The following TMEM163 variants were observed in gnomAD, a reference collection of about 807,000 sequenced individuals.
TMEM163 encodes the protein transmembrane protein 163.
A neutral mutation model predicts 29.3 loss-of-function variants in TMEM163; 17 were observed. The ratio of observed to expected loss-of-function variants is 0.58; its 90% CI spans 0.40 to 0.87. The LOEUF (loss-of-function observed/expected upper bound fraction) is 0.87, where lower values mean the gene tolerates loss of function less well. TMEM163 is among the 40% of genes least tolerant of loss of function. The probability of loss-of-function intolerance (pLI) is 0.00; values close to 1 mark genes in which losing one functional copy is unlikely to be tolerated. For missense variants in TMEM163, 303 were observed against 381.5 expected, an observed-to-expected ratio of 0.79 and a Z score of 1.71; for synonymous variants, 157 against 160.6, an observed-to-expected ratio of 0.98 and a Z score of 0.17.
chr2:134,594,830 C>G (rs1682026852), intron 2 of TMEM163, among the ~76,000 whole-genome samples: 1 of 150,432 alleles, frequency 6.6e-6, no homozygotes, highest in African/African-American at 2.5e-5. Flanking sequence ...TAATATGCTA[C>G]ATGGACTCAA....
At chr2:134,543,150 C>T (rs1203347075) in intron 4 of TMEM163, among the ~76,000 whole-genome samples, 4 of 152,188 alleles carry the variant, frequency 2.6e-5, no homozygotes, top group South Asian at 4.1e-4. Context: ...ACACTCCTTC[C>T]TCTAGTGCAT....
intron 2 of TMEM163, among the ~76,000 whole-genome samples, chr2:134,571,685 T>C (rs1056350129): frequency 1.3e-5 from 2 of 152,168 alleles, no homozygotes; most frequent in African/African-American, 2.4e-5. Context: ...GAACAAAGTC[T>C]GGAGGAAACT....
rs1484249360 is a variant in TMEM163, at chr2:134,458,081, C to T, written c.760G>A (p.Gly254Ser). The change falls in exon 7 of 8, where the codon GGC becomes AGC. Residue 254 changes from glycine (G) to serine (S), a missense_variant. By Grantham distance (56) the Gly-to-Ser change is moderately conservative (BLOSUM62 0). Around this residue, in one of 2 missense-constraint regions of TMEM163, gnomAD observed 203 missense variants for 294.3 expected, o/e 0.69. Coordinates refer to ENST00000281924, the MANE Select transcript of TMEM163 (RefSeq NM_030923.5). ...AGGCCGATCAGAACGCCTATGCTGCCGTCCAGGTACCAGACCGCCGAGTCA... is the reference window on the plus strand; with the variant it reads ...AGGCCGATCAGAACGCCTATGCTGCTGTCCAGGTACCAGACCGCCGAGTCA... ...KHDSAVWYLD[G>S]SIGVLIGLTI... The T allele has an allele frequency of 2.5e-5, 41 of 1,614,052 alleles. No homozygotes were observed. Among genetic ancestry groups the T allele is most frequent in the Non-Finnish European group, 3.2e-5 (38 of 1,180,038 alleles).
intron 2 of TMEM163, among the ~76,000 whole-genome samples, chr2:134,610,019 A>G (rs576420572): frequency 6.6e-6 from 1 of 152,296 alleles, no homozygotes; most frequent in Admixed American, 6.5e-5. Flanking sequence ...GGTGAGGCAA[A>G]AGGGACTGGT....
intron 6 of TMEM163, among the ~76,000 whole-genome samples, chr2:134,463,522 G>A (rs1302530436): frequency 6.6e-6 from 1 of 152,172 alleles, no homozygotes; most frequent in African/African-American, 2.4e-5. Context: ...TCAACTTGAC[G>A]CAAGCTGGCT....
intron 2 of TMEM163, among the ~76,000 whole-genome samples, chr2:134,680,881 G>A (rs1030878070): frequency 6.6e-6 from 1 of 152,196 alleles, no homozygotes; most frequent in African/African-American, 2.4e-5. Context: ...CTGTGGAGTT[G>A]TCATGAGAAT....
intron 2 of TMEM163, among the ~76,000 whole-genome samples, chr2:134,619,557 A>G (rs1416756883): frequency 1.3e-5 from 2 of 152,178 alleles, no homozygotes; most frequent in African/African-American, 4.8e-5. Flanking sequence ...ATTCATGGGG[A>G]AAAAAAGAAA....
chr2:134,544,946 G>GA (rs1232605900), intron 4 of TMEM163, among the ~76,000 whole-genome samples: 1 of 152,178 alleles, frequency 6.6e-6, no homozygotes, highest in East Asian at 1.9e-4. Flanking sequence ...AGCTCTGGTT[G>GA]TCATAAAATG....
intron 5 of TMEM163, among the ~76,000 whole-genome samples, chr2:134,502,315 T>C (rs886099603): frequency 6.6e-6 from 1 of 152,146 alleles, no homozygotes; most frequent in Non-Finnish European, 1.5e-5. Flanking sequence ...GACAGGAGGC[T>C]GTAAAAATAT....
intron 2 of TMEM163, among the ~76,000 whole-genome samples, chr2:134,570,935 G>A (rs1244819462): frequency 6.6e-6 from 1 of 152,186 alleles, no homozygotes. Flanking sequence ...GTTACATTCT[G>A]AAATGCGTTC....
intron 2 of TMEM163, among the ~76,000 whole-genome samples, chr2:134,587,820 C>T (rs1430991527): frequency 1.3e-5 from 2 of 152,200 alleles, no homozygotes. Flanking sequence ...AAACAAATAA[C>T]AAGAAGGGAT....
chr2:134,456,752 C>T lies in TMEM163; in HGVS notation c.834G>A (p.Arg278=), dbSNP rs1686406150. 1 of 1,613,678 alleles carries T rather than the reference C, an allele frequency of 6.2e-7. No homozygotes were observed. Among genetic ancestry groups the T allele is most frequent in the Admixed American group, 1.7e-5 (1 of 59,968 alleles). ...GVKLLIDMVP[R]VRQTRHYEMF... ...TCTCGTAGTGACGTGTCTGCCTCAC[C>T]CTCGGCACCATGTCGATGAGGAGTC... is the stretch of plus-strand genomic sequence containing the variant. The change falls in exon 8 of 8, where the codon AGG becomes AGA. Residue 278 remains arginine, a synonymous_variant. Coordinates refer to ENST00000281924, the MANE Select transcript of TMEM163 (RefSeq NM_030923.5).
intron 2 of TMEM163, among the ~76,000 whole-genome samples, chr2:134,647,118 G>C (rs1018265115): frequency 6.6e-5 from 10 of 152,268 alleles, no homozygotes; most frequent in Middle Eastern, 6.8e-3. Flanking sequence ...TTCAATCTCT[G>C]CATGCCTCAG....
chr2:134,518,829 C>T (rs1680132755), intron 4 of TMEM163, among the ~76,000 whole-genome samples: 1 of 152,198 alleles, frequency 6.6e-6, no homozygotes. Flanking sequence ...CAATCTGCTG[C>T]CTTTCTTGTC....
intron 2 of TMEM163, among the ~76,000 whole-genome samples, chr2:134,610,483 T>C (rs1384868706): frequency 6.6e-6 from 1 of 152,162 alleles, no homozygotes; most frequent in African/African-American, 2.4e-5. Flanking sequence ...TCTGGGGACA[T>C]ACAGTCCCGG....
chr2:134,685,050 T>G (rs559749386), intron 2 of TMEM163, among the ~76,000 whole-genome samples: 1 of 152,166 alleles, frequency 6.6e-6, no homozygotes, highest in Non-Finnish European at 1.5e-5. Context: ...CACACCTTGC[T>G]GATGTTATAC....
At chr2:134,671,493 C>T (rs1048109579) in intron 2 of TMEM163, among the ~76,000 whole-genome samples, 4 of 152,180 alleles carry the variant, frequency 2.6e-5, no homozygotes, top group Non-Finnish European at 5.9e-5. Flanking sequence ...TGGGTTCAAG[C>T]CCGAAACAAA....
At chr2:134,612,146 A>G (rs930427449) in intron 2 of TMEM163, among the ~76,000 whole-genome samples, 6 of 152,104 alleles carry the variant, frequency 3.9e-5, no homozygotes, top group Admixed American at 1.3e-4. Context: ...GACCTATCTC[A>G]AGCACCTGAA....
chr2:134,606,966 T>A (rs1682386728), intron 2 of TMEM163, among the ~76,000 whole-genome samples: 5 of 145,966 alleles, frequency 3.4e-5, no homozygotes, highest in Admixed American at 3.4e-4. Context: ...AGAACTGTAC[T>A]GGTGAAAAGG....
Sources: gnomAD v4.1 joint callset for allele counts (sites outside exome capture counted in the v4.1 genomes callset) on GRCh38, gnomAD v4.1.1 for gene constraint, gnomAD v4.1.1 regional missense constraint, MANE v1.5 for transcripts, NCBI Gene and HGNC (gene_info 2026-07-23, HGNC 2026-07-21) for gene names.